Variants in CAMKK2 observed in about 807,000 individuals in gnomAD.
CAMKK2 encodes calcium/calmodulin dependent protein kinase kinase 2.
In CAMKK2, 30 loss-of-function variants were observed where a neutral mutation model predicts 67.2. The observed-to-expected ratio is 0.45, with a 90% CI of 0.33 to 0.61. CAMKK2 has a LOEUF of 0.61. Ranked by LOEUF, CAMKK2 falls within the 20% of genes least tolerant of loss-of-function variation. The pLI, the probability that CAMKK2 is intolerant of heterozygous loss-of-function variation, is 0.02. For missense variants in CAMKK2, 643 were observed against 802.0 expected, an observed-to-expected ratio of 0.80 and a Z score of 2.39; for synonymous variants, 322 against 326.2, an observed-to-expected ratio of 0.99 and a Z score of 0.14.
At chr12:121,254,198 C>G (rs539052181) in intron 9 of CAMKK2, among the ~76,000 whole-genome samples, 1 of 152,300 alleles carries the variant, frequency 6.6e-6, no homozygotes, top group African/African-American at 2.4e-5. Flanking sequence ...GTGGCTCACG[C>G]CTGTCATCCC....
rs5801429 is a variant in CAMKK2, at chr12:121,258,022, CTTT to C, written c.797-2221_797-2219del. 8.9e-3 allele frequency among the ~76,000 whole-genome samples: 1,072 copies of C among 120,044 alleles called. 5 individuals carry two copies. The highest frequency in any genetic ancestry group is 0.033 in the African/African-American group (1,010 of 30,152). 78.8% of individuals were successfully genotyped at this position (120,044 alleles called of 152,430 possible). A position where few individuals can be genotyped will look rare whatever the true frequency, so the allele number is the denominator to read the frequency against. On this transcript the variant is annotated intron_variant, in intron 7 of 16. Transcript: ENST00000404169. ...CTAGAAATAGAGATCGAGTTTTCTACTTTTTTTTTTTTTTTTTTTTGAGACAAA... is the reference window on the plus strand; with the variant it reads ...CTAGAAATAGAGATCGAGTTTTCTACTTTTTTTTTTTTTTTTTGAGACAAA...
Position 121,253,166 on chromosome 12 carries a change from C to G in CAMKK2, c.1107+107G>C, listed in dbSNP as rs1230221572. ...GAAGCCTACCCCTCAGTATCTTGATCCAGGGGATTCACTGTTTAAGCCTGT... is the reference window on the plus strand; with the variant it reads ...GAAGCCTACCCCTCAGTATCTTGATGCAGGGGATTCACTGTTTAAGCCTGT... On this transcript the variant is annotated intron_variant, in intron 10 of 16. Coordinates refer to ENST00000404169, the MANE Select transcript of CAMKK2 (RefSeq NM_001270485.2). This position sits in a 1 kb window ranked among gnomAD's most constrained non-coding sequence, Gnocchi z 5.0. The G allele has an allele frequency of 5.3e-6, 5 of 944,322 alleles. No homozygotes were observed. The Admixed American group carries it at 1.0e-4, about 19-fold the overall frequency. 58.5% of individuals were successfully genotyped at this position (944,322 alleles called of 1,614,324 possible). A position where few individuals can be genotyped will look rare whatever the true frequency, so the allele number is the denominator to read the frequency against.
intron 7 of CAMKK2, among the ~76,000 whole-genome samples, chr12:121,257,436 T>C (rs1244265955): frequency 6.6e-6 from 1 of 152,000 alleles, no homozygotes; most frequent in African/African-American, 2.4e-5. Flanking sequence ...TTAGTAAAGA[T>C]GGGGTTTCAC....
intron 16 of CAMKK2, among the ~76,000 whole-genome samples, chr12:121,242,157 C>G (rs551496857): frequency 6.6e-6 from 1 of 151,986 alleles, no homozygotes; most frequent in East Asian, 1.9e-4. Flanking sequence ...CATGGTGAAA[C>G]CCCCATCTCT....
chr12:121,243,689 G>A, intron 16 of CAMKK2: 1 of 228,028 alleles, frequency 4.4e-6, no homozygotes, highest in South Asian at 7.9e-5. Context: ...CAGCTAAGGA[G>A]TGTAGGGTGT....
chr12:121,259,827 T>C (rs1411701472), intron 7 of CAMKK2, among the ~76,000 whole-genome samples: 1 of 152,094 alleles, frequency 6.6e-6, no homozygotes, highest in East Asian at 1.9e-4. Flanking sequence ...AGGTTGTCAA[T>C]ATATACATGC....
chr12:121,263,382 T>C (rs1893865958), intron 6 of CAMKK2, among the ~76,000 whole-genome samples: 2 of 152,190 alleles, frequency 1.3e-5, no homozygotes, highest in African/African-American at 4.8e-5. Context: ...GTGCTGTCAT[T>C]ATAAGCGCGA....
chr12:121,296,309 C>A lies in CAMKK2; in HGVS notation c.-60+329G>T, dbSNP rs535615329. On this transcript the variant is annotated intron_variant, in intron 1 of 16. Transcript: ENST00000404169. This position sits in a 1 kb window ranked among gnomAD's most constrained non-coding sequence, Gnocchi z 7.1. ...TGGGCCTAGGCCGCCTCCACGAACCCTGACGGACCCGGCCCCCGGTGACCC... is the reference window on the plus strand; with the variant it reads ...TGGGCCTAGGCCGCCTCCACGAACCATGACGGACCCGGCCCCCGGTGACCC... 2.6e-5 allele frequency among the ~76,000 whole-genome samples: 4 copies of A among 152,312 alleles called. No individual in the cohort carries two copies. The highest frequency in any genetic ancestry group is 9.6e-5 in the African/African-American group (4 of 41,584).
At chr12:121,287,287 T>A (rs1261277780) in intron 1 of CAMKK2, among the ~76,000 whole-genome samples, 7 of 152,218 alleles carry the variant, frequency 4.6e-5, no homozygotes, top group African/African-American at 1.4e-4. Context: ...CTAGCCCTTG[T>A]CCATATGCAT....
Position 121,240,481 on chromosome 12 carries a change from T to TCCAG in CAMKK2, c.*214_*217dup. On this transcript the variant is annotated 3_prime_UTR_variant, in exon 17 of 17. Coordinates refer to ENST00000404169, the MANE Select transcript of CAMKK2 (RefSeq NM_001270485.2). The surrounding 1 kb of genome is among the most constrained non-coding windows in gnomAD (Gnocchi z 4.4). ...GTCTGCAACTCCTCACACCCGCCTG[T>TCCAG]CCAGCCAGCCAGCGGCCACGGTCGA... The TCCAG allele has an allele frequency of 1.3e-6, 2 of 1,535,168 alleles. No homozygotes were observed. The highest frequency in any genetic ancestry group is 1.7e-6 in the Non-Finnish European group (2 of 1,146,828).
At chr12:121,271,644 A>C (rs759228490) in intron 2 of CAMKK2, among the ~76,000 whole-genome samples, 4 of 152,228 alleles carry the variant, frequency 2.6e-5, no homozygotes, top group Non-Finnish European at 5.9e-5. Flanking sequence ...TTCTTAGATA[A>C]TACAAAAAAG....
chr12:121,238,173 C>G lies in CAMKK2; in HGVS notation c.*2526G>C, dbSNP rs202087470. The G allele has an allele frequency of 6.6e-6, 1 of 152,248 alleles. No individual in the cohort carries two copies. The highest frequency in any genetic ancestry group is 6.5e-5 in the Admixed American group (1 of 15,278). 9.4% of individuals were successfully genotyped at this position (152,248 alleles called of 1,614,324 possible). ...ACCAGTAGGGAGAGGCCTCCGCAGC[C>G]CCAAGTGTCAACAAGGGGCTCAATA... On this transcript the variant is annotated 3_prime_UTR_variant, in exon 17 of 17. Coordinates refer to ENST00000404169, the MANE Select transcript of CAMKK2 (RefSeq NM_001270485.2).
At chr12:121,255,757 C>T in intron 8 of CAMKK2, 26 bp downstream of exon 8, 1 of 1,613,036 alleles carries the variant, frequency 6.2e-7, no homozygotes, top group Non-Finnish European at 8.5e-7. Flanking sequence ...TCTTGCATCA[C>T]CCCTGCTGGG....
chr12:121,264,065 G>T (rs1894019215), intron 5 of CAMKK2, 126 bp from the exon 6 acceptor site: 1 of 838,064 alleles, frequency 1.2e-6, no homozygotes, highest in Non-Finnish European at 1.7e-6. Context: ...AGTGGCTGCT[G>T]CCACCAGGGG....
rs1898623721 is a variant in CAMKK2 at position 121,285,764 on chromosome 12, A to G, written c.-60+10874T>C. ...GAGGTTGATGCAGCAGTGAGCCGTG[A>G]TCATGCCACCGCACTCTAGCCTGGG... On this transcript the variant is annotated intron_variant, in intron 1 of 16. Coordinates refer to ENST00000404169, the MANE Select transcript of CAMKK2 (RefSeq NM_001270485.2). The surrounding 1 kb of genome is among the most constrained non-coding windows in gnomAD (Gnocchi z 4.1). Among the ~76,000 whole-genome samples the G allele has an allele frequency of 6.6e-6, 1 of 152,200 alleles. No individual in the cohort carries two copies. Among genetic ancestry groups the G allele is most frequent in the African/African-American group, 2.4e-5 (1 of 41,434 alleles).
rs1247656024 is a variant in CAMKK2 at position 121,268,698 on chromosome 12, A to C, written c.574-9T>G. 6.2e-7 allele frequency: 1 copy of C among 1,613,646 alleles called. No homozygotes were observed. The highest frequency in any genetic ancestry group is 1.7e-5 in the Admixed American group (1 of 60,020). On this transcript the variant is annotated splice_polypyrimidine_tract_variant and intron_variant, in intron 4 of 16. Coordinates refer to ENST00000404169, the MANE Select transcript of CAMKK2 (RefSeq NM_001270485.2). The stretch of plus-strand genomic sequence containing the variant: ...GACAGCACCTTCATTGCCTGCAGGA[A>C]AATGAAGGACAGCACCTTTAGCCAG...
rs140343027 is a variant in CAMKK2 at position 121,244,978 on chromosome 12, G to C, written c.1553+162C>G. 2.0e-3 allele frequency among the ~76,000 whole-genome samples: 302 copies of C among 152,350 alleles called. 1 individual carries two copies. Among genetic ancestry groups the C allele is most frequent in the Non-Finnish European group, 3.6e-3 (245 of 68,034 alleles). On this transcript the variant is annotated intron_variant, in intron 15 of 16. Coordinates refer to ENST00000404169, the MANE Select transcript of CAMKK2 (RefSeq NM_001270485.2). Reference sequence around the variant, plus strand: ...GCAAAAGGAGGTGGGCTGAGCCCAGGTTGGGGTGCTGACTGTCCCAGTGCA... The same window carrying C: ...GCAAAAGGAGGTGGGCTGAGCCCAGCTTGGGGTGCTGACTGTCCCAGTGCA...
rs75023366 is a variant in CAMKK2, at chr12:121,279,762, A to G, written c.-59-5177T>C. On this transcript the variant is annotated intron_variant, in intron 1 of 16. Coordinates refer to ENST00000404169, the MANE Select transcript of CAMKK2 (RefSeq NM_001270485.2). ...TTGCCTCTACCCTGTTCCCTCTCAC[A>G]GGGCAGCTCATCACGAGCCACCAGA... is the stretch of plus-strand genomic sequence containing the variant. Among the ~76,000 whole-genome samples, 1,476 of 152,354 alleles carry G rather than the reference A, an allele frequency of 9.7e-3. 23 individuals are homozygous for G. The highest frequency in any genetic ancestry group is 0.034 in the African/African-American group (1,398 of 41,582).
intron 1 of CAMKK2, among the ~76,000 whole-genome samples, chr12:121,289,483 A>C (rs1433459533): frequency 6.6e-6 from 1 of 152,170 alleles, no homozygotes; most frequent in Non-Finnish European, 1.5e-5. Flanking sequence ...GAAAACAAAT[A>C]ATAATTCTAA....
Sources: gnomAD v4.1 joint callset for allele counts (sites outside exome capture counted in the v4.1 genomes callset) on GRCh38, gnomAD v4.1.1 for gene constraint, Gnocchi (gnomAD v3.1) non-coding constraint, MANE v1.5 for transcripts, NCBI Gene and HGNC (gene_info 2026-07-23, HGNC 2026-07-21) for gene names.